Variants in SERGEF observed in about 807,000 individuals in gnomAD.
SERGEF encodes secretion regulating guanine nucleotide exchange factor.
Under a neutral mutation model 50.0 loss-of-function variants are expected in SERGEF, and 51 were observed. The observed-to-expected ratio is 1.02, with a 90% CI of 0.81 to 1.29. SERGEF has a LOEUF of 1.29. SERGEF is among the 50% of genes most tolerant of loss of function. The pLI, the probability that SERGEF is intolerant of heterozygous loss-of-function variation, is 0.00. For synonymous variants in SERGEF, 205 were observed against 212.4 expected (o/e 0.97, Z 0.30); for missense variants, 521 against 557.0 (o/e 0.94, Z 0.65).
intron 9 of SERGEF, among the ~76,000 whole-genome samples, chr11:17,887,734 T>G (rs1324269725): frequency 6.6e-6 from 1 of 152,228 alleles, no homozygotes; most frequent in Non-Finnish European, 1.5e-5. Flanking sequence ...TCAAAAGGCA[T>G]GTACAAGCAT....
chr11:17,928,689 C>A (rs536216396), intron 9 of SERGEF, among the ~76,000 whole-genome samples: 1 of 152,138 alleles, frequency 6.6e-6, no homozygotes. Flanking sequence ...CAGTGTCAGT[C>A]GAGACTACCC....
intron 1 of SERGEF, among the ~76,000 whole-genome samples, chr11:18,010,643 T>C (rs1278890066): frequency 1.3e-5 from 2 of 152,208 alleles, no homozygotes; most frequent in African/African-American, 4.8e-5. Flanking sequence ...TTTATTTTTC[T>C]TCATGCCACT....
intron 10 of SERGEF, among the ~76,000 whole-genome samples, chr11:17,849,789 C>T (rs190812524): frequency 1.8e-3 from 270 of 152,320 alleles, no homozygotes; most frequent in African/African-American, 4.8e-3. Context: ...AATTTATTCA[C>T]GGTCAATACC....
chr11:17,803,994 G>A (rs190622934), intron 10 of SERGEF, among the ~76,000 whole-genome samples: 15 of 152,320 alleles, frequency 9.8e-5, no homozygotes, highest in South Asian at 2.1e-4. Flanking sequence ...TTGTGGTACC[G>A]GGGGAAGGGC....
chr11:17,908,934 CTT>C (rs906670982), intron 9 of SERGEF, among the ~76,000 whole-genome samples: 1 of 152,226 alleles, frequency 6.6e-6, no homozygotes, highest in African/African-American at 2.4e-5. Context: ...AGAGGTAAAA[CTT>C]CTTCTTGCTG....
intron 9 of SERGEF, among the ~76,000 whole-genome samples, chr11:17,878,509 C>T (rs988600941): frequency 2.0e-5 from 3 of 152,162 alleles, no homozygotes; most frequent in African/African-American, 7.2e-5. Flanking sequence ...ATTTTTTAAA[C>T]CCTTTCTTCC....
At chr11:17,996,767 A>C (rs936442834) in intron 5 of SERGEF, among the ~76,000 whole-genome samples, 1 of 152,220 alleles carries the variant, frequency 6.6e-6, no homozygotes, top group Non-Finnish European at 1.5e-5. Flanking sequence ...AGCAAAGCAC[A>C]GTGTTGAAAT....
At chr11:17,895,096 G>C (rs1851596181) in intron 9 of SERGEF, among the ~76,000 whole-genome samples, 1 of 152,220 alleles carries the variant, frequency 6.6e-6, no homozygotes, top group South Asian at 2.1e-4. Context: ...CTTTGCTGCA[G>C]CTGCACAGCA....
At chr11:17,928,807 G>T (rs1852297763) in intron 9 of SERGEF, among the ~76,000 whole-genome samples, 1 of 152,036 alleles carries the variant, frequency 6.6e-6, no homozygotes, top group Non-Finnish European at 1.5e-5. Flanking sequence ...AAACTAGCTT[G>T]GCATTTTTTT....
chr11:17,815,928 C>CAACA (rs553210508), intron 10 of SERGEF, among the ~76,000 whole-genome samples: 6 of 152,110 alleles, frequency 3.9e-5, no homozygotes, highest in Non-Finnish European at 7.4e-5. Flanking sequence ...CAAATAACAA[C>CAACA]AACAAACAAA....
chr11:17,987,980 A>C (rs1853635035), intron 8 of SERGEF, among the ~76,000 whole-genome samples: 2 of 152,230 alleles, frequency 1.3e-5, no homozygotes, highest in African/African-American at 4.8e-5. Flanking sequence ...CTGAGGACAA[A>C]GTTAACAATA....
chr11:17,968,575 A>G (rs1014735687), intron 8 of SERGEF, among the ~76,000 whole-genome samples: 2 of 152,128 alleles, frequency 1.3e-5, no homozygotes, highest in Non-Finnish European at 2.9e-5. Flanking sequence ...CAGGTAGTGC[A>G]CACCTGTAGT....
At chr11:17,829,577 T>C (rs1850257834) in intron 10 of SERGEF, among the ~76,000 whole-genome samples, 1 of 152,078 alleles carries the variant, frequency 6.6e-6, no homozygotes, top group African/African-American at 2.4e-5. Flanking sequence ...ATTTATCTAG[T>C]AAAATAACAG....
chr11:17,956,667 A>G (rs1276843474), intron 9 of SERGEF, among the ~76,000 whole-genome samples: 1 of 152,014 alleles, frequency 6.6e-6, no homozygotes, highest in Non-Finnish European at 1.5e-5. Context: ...CTTTGCAGAC[A>G]TCCTATCTGA....
At chr11:17,984,339 C>T (rs2133992613) in intron 8 of SERGEF, among the ~76,000 whole-genome samples, 2 of 152,216 alleles carry the variant, frequency 1.3e-5, no homozygotes, top group South Asian at 2.1e-4. Context: ...GAAGAGGAAG[C>T]GGGAGCTTGG....
At chr11:18,006,985 T>C (rs1854087520) in intron 2 of SERGEF, among the ~76,000 whole-genome samples, 2 of 152,182 alleles carry the variant, frequency 1.3e-5, no homozygotes, top group African/African-American at 4.8e-5. Flanking sequence ...ATCACCAAAC[T>C]GAGCATCTAC....
intron 8 of SERGEF, among the ~76,000 whole-genome samples, chr11:17,985,535 T>G (rs532230221): frequency 6.6e-6 from 1 of 152,280 alleles, no homozygotes; most frequent in African/African-American, 2.4e-5. Flanking sequence ...ATGAAGTTCC[T>G]GAGAACAATG....
intron 10 of SERGEF, among the ~76,000 whole-genome samples, chr11:17,869,098 G>C (rs887062244): frequency 6.6e-6 from 1 of 152,074 alleles, no homozygotes; most frequent in African/African-American, 2.4e-5. Flanking sequence ...CACGTATCCC[G>C]ATTTTTAGGC....
chr11:17,883,789 C>T (rs1040104389), intron 9 of SERGEF, among the ~76,000 whole-genome samples: 1 of 152,160 alleles, frequency 6.6e-6, no homozygotes, highest in African/African-American at 2.4e-5. Context: ...GCTAGGAGTG[C>T]CCACCTCTGG....
Sources: allele counts gnomAD v4.1 joint callset (sites outside exome capture counted in the v4.1 genomes callset), GRCh38; gene constraint gnomAD v4.1.1; transcripts MANE v1.5; gene names NCBI Gene and HGNC (gene_info 2026-07-23, HGNC 2026-07-21).